The following ST6GALNAC3 variants were observed in gnomAD, a reference collection of about 807,000 sequenced individuals.
ST6GALNAC3 encodes the protein alpha-N-acetylgalactosaminide alpha-2,6-sialyltransferase 3.
Under a neutral mutation model 32.7 loss-of-function variants are expected in ST6GALNAC3, and 25 were observed. That is an observed-to-expected ratio of 0.76 (90% confidence interval 0.56 to 1.07). The LOEUF is 1.07. Ranked by LOEUF, ST6GALNAC3 falls within the 50% of genes least tolerant of loss-of-function variation. The pLI is 0.00. For synonymous variants in ST6GALNAC3, 129 were observed against 133.1 expected (o/e 0.97, Z 0.21); for missense variants, 355 against 382.4 (o/e 0.93, Z 0.60).
At chr1:76,388,037 A>G (rs1557844613) in intron 2 of ST6GALNAC3, among the ~76,000 whole-genome samples, 1 of 152,124 alleles carries the variant, frequency 6.6e-6, no homozygotes, top group Non-Finnish European at 1.5e-5. Flanking sequence ...AAGAGGGTGC[A>G]GGGGGAGATT....
intron 1 of ST6GALNAC3, among the ~76,000 whole-genome samples, chr1:76,274,325 G>C (rs2100764519): frequency 6.6e-6 from 1 of 152,140 alleles, no homozygotes; most frequent in Non-Finnish European, 1.5e-5. Context: ...ATACATACCT[G>C]CTGTGTGACG....
rs1428081800 is a variant in ST6GALNAC3 at position 76,496,145 on chromosome 1, C to G, written c.623+83728C>G. 2.6e-5 allele frequency among the ~76,000 whole-genome samples: 4 copies of G among 152,130 alleles called. No homozygotes were observed. The South Asian group carries it at 8.3e-4, about 31-fold the overall frequency. On this transcript the variant is annotated intron_variant, in intron 3 of 4. Coordinates refer to ENST00000328299, the MANE Select transcript of ST6GALNAC3 (RefSeq NM_152996.4). ...ATCAAGTAGAAAGATGTGAAATGGTCCCTCCCTCCATATGGAAAAATCTGC... is the reference window on the plus strand; with the variant it reads ...ATCAAGTAGAAAGATGTGAAATGGTGCCTCCCTCCATATGGAAAAATCTGC...
rs144729100 is a variant in ST6GALNAC3, at chr1:76,210,520, C to T, written c.19-103285C>T. ...TAATATGATTCTTTTTGTATCCACC[C>T]TTATATTAATCTGGTAGGATTTCCA... On this transcript the variant is annotated intron_variant, in intron 1 of 4. Coordinates refer to ENST00000328299, the MANE Select transcript of ST6GALNAC3 (RefSeq NM_152996.4). 5.3e-5 allele frequency among the ~76,000 whole-genome samples: 8 copies of T among 152,272 alleles called. No homozygotes were observed. The East Asian group carries it at 1.4e-3, about 26-fold the overall frequency.
At chr1:76,099,658 C>T (rs1647186023) in intron 1 of ST6GALNAC3, among the ~76,000 whole-genome samples, 1 of 152,122 alleles carries the variant, frequency 6.6e-6, no homozygotes, top group Non-Finnish European at 1.5e-5. Flanking sequence ...CAGTGGTTGA[C>T]TGAAGTCAGG....
At chr1:76,615,189 G>A (rs907271908) in intron 3 of ST6GALNAC3, among the ~76,000 whole-genome samples, 1 of 152,110 alleles carries the variant, frequency 6.6e-6, no homozygotes, top group Non-Finnish European at 1.5e-5. Context: ...CTTTTGTCCA[G>A]TTCATGAGGA....
intron 3 of ST6GALNAC3, among the ~76,000 whole-genome samples, chr1:76,494,682 T>TACACACACACACACAA: frequency 1.1e-5 from 1 of 88,894 alleles, no homozygotes. Context: ...CACACACACT[T>TACACACACACACACAA]TCCCTACTTT....
At chr1:76,433,261 C>T (rs1279477917) in intron 3 of ST6GALNAC3, among the ~76,000 whole-genome samples, 3 of 152,050 alleles carry the variant, frequency 2.0e-5, no homozygotes, top group Admixed American at 2.0e-4. Flanking sequence ...GTTTTGATTT[C>T]ATTTTTCCGT....
intron 2 of ST6GALNAC3, among the ~76,000 whole-genome samples, chr1:76,342,196 A>G (rs1468076712): frequency 6.6e-6 from 1 of 152,188 alleles, no homozygotes; most frequent in African/African-American, 2.4e-5. Flanking sequence ...TTATAGTAGA[A>G]TAATGTATAA....
intron 3 of ST6GALNAC3, among the ~76,000 whole-genome samples, chr1:76,623,486 A>G (rs1648770725): frequency 6.6e-6 from 1 of 151,916 alleles, no homozygotes; most frequent in Non-Finnish European, 1.5e-5. Flanking sequence ...GATGAGAATA[A>G]TTGTTTTTAT....
chr1:76,376,767 A>C (rs1651269806), intron 2 of ST6GALNAC3, among the ~76,000 whole-genome samples: 1 of 152,108 alleles, frequency 6.6e-6, no homozygotes, highest in South Asian at 2.1e-4. Flanking sequence ...TAAATTTGCC[A>C]TTTAATTGTT....
intron 1 of ST6GALNAC3, among the ~76,000 whole-genome samples, chr1:76,250,236 C>CA (rs1323011603): frequency 6.6e-6 from 1 of 152,164 alleles, no homozygotes; most frequent in African/African-American, 2.4e-5. Flanking sequence ...GGATGGTTTG[C>CA]AATTTCTAAG....
intron 3 of ST6GALNAC3, among the ~76,000 whole-genome samples, chr1:76,453,515 A>G (rs1402612996): frequency 3.3e-5 from 5 of 152,098 alleles, no homozygotes; most frequent in African/African-American, 4.8e-5. Flanking sequence ...TTAAATTTCC[A>G]TCTTGATTTC....
chr1:76,301,244 A>G (rs1660710476), intron 1 of ST6GALNAC3, among the ~76,000 whole-genome samples: 1 of 152,020 alleles, frequency 6.6e-6, no homozygotes. Flanking sequence ...GGTAAGGAAG[A>G]GTGGATCAGA....
rs1646817108 is a variant in ST6GALNAC3, at chr1:76,313,883, T to A, written c.97T>A (p.Phe33Ile). ...LVVRLVNEVN[F>I]PLLLNCFGQP... ...TGTGCGTCTTGTAAATGAAGTGAAT[T>A]TCCCATTGCTACTAAACTGCTTTGG... Residue 33 changes from phenylalanine to isoleucine, a missense_variant, in exon 2 of 5, where the codon TTC becomes ATC. Coordinates refer to ENST00000328299, the MANE Select transcript of ST6GALNAC3 (RefSeq NM_152996.4). The A allele has an allele frequency of 6.2e-7, 1 of 1,613,508 alleles. No homozygotes were observed. The highest frequency in any genetic ancestry group is 8.5e-7 in the Non-Finnish European group (1 of 1,179,730).
intron 3 of ST6GALNAC3, among the ~76,000 whole-genome samples, chr1:76,459,435 G>C (rs531505824): frequency 1.3e-5 from 2 of 152,166 alleles, no homozygotes; most frequent in East Asian, 3.9e-4. Flanking sequence ...GTGGTGGCGG[G>C]CACCTGTAGT....
intron 3 of ST6GALNAC3, among the ~76,000 whole-genome samples, chr1:76,538,999 C>T (rs918756925): frequency 6.6e-6 from 1 of 151,886 alleles, no homozygotes; most frequent in African/African-American, 2.4e-5. Flanking sequence ...TGTTCTTCAT[C>T]GAATGAGAAA....
At chr1:76,548,190 C>T (rs1280470949) in intron 3 of ST6GALNAC3, among the ~76,000 whole-genome samples, 4 of 152,210 alleles carry the variant, frequency 2.6e-5, no homozygotes, top group Non-Finnish European at 5.9e-5. Flanking sequence ...CCCATTCTTG[C>T]TTTCTTCCTG....
intron 1 of ST6GALNAC3, among the ~76,000 whole-genome samples, chr1:76,215,659 C>G (rs781467530): frequency 7.9e-5 from 12 of 152,144 alleles, no homozygotes; most frequent in Non-Finnish European, 1.6e-4. Context: ...TGGAGCGTAT[C>G]AGGAAGAGTG....
rs536614185 is a variant in ST6GALNAC3, at chr1:76,521,565, T to C, written c.624-105887T>C. On this transcript the variant is annotated intron_variant, in intron 3 of 4. Transcript: ENST00000328299. ...CAAGTATTTATCTTTGTATTGCTCT[T>C]CATTTTTTCCTTCATTTCTGCATTT... is the stretch of plus-strand genomic sequence containing the variant. Among the ~76,000 whole-genome samples the C allele has an allele frequency of 2.0e-5, 3 of 152,322 alleles. No individual in the cohort carries two copies. In the East Asian group the frequency reaches 5.8e-4, roughly 29 times the overall value.
Sources: allele counts gnomAD v4.1 joint callset (sites outside exome capture counted in the v4.1 genomes callset), GRCh38; gene constraint gnomAD v4.1.1; transcripts MANE v1.5; gene names NCBI Gene and HGNC (gene_info 2026-07-23, HGNC 2026-07-21).